Variants in PRKN observed in about 807,000 individuals in gnomAD.
PRKN encodes the protein E3 ubiquitin-protein ligase parkin.
In PRKN, 56 loss-of-function variants were observed where a neutral mutation model predicts 59.5. The ratio of observed to expected loss-of-function variants is 0.94; its 90% CI spans 0.76 to 1.18. The LOEUF is 1.18. PRKN is among the 50% of genes most tolerant of loss of function. The pLI is 0.00. For synonymous variants in PRKN, 250 were observed against 222.1 expected, an observed-to-expected ratio of 1.13 and a Z score of -1.12; for missense variants, 657 against 596.4, an observed-to-expected ratio of 1.10 and a Z score of -1.06.
At chr6:162,526,201 G>T (rs1039368154) in intron 1 of PRKN, among the ~76,000 whole-genome samples, 1 of 145,084 alleles carries the variant, frequency 6.9e-6, no homozygotes, top group East Asian at 2.2e-4. Flanking sequence ...AACTATCGGA[G>T]TCAAGGTAAA....
In PRKN at chr6:161,646,607, T is replaced by G. The variant is rs115271941; in HGVS notation, c.872-77191A>C. On this transcript the variant is annotated intron_variant, in intron 7 of 11. Coordinates refer to ENST00000366898, the MANE Select transcript of PRKN (RefSeq NM_004562.3). ...TGTGCGTGCGTGGCGGAGGAGGTGGTGTATCAGTGACAGTAGTCACTGCGT... is the reference window on the plus strand; with the variant it reads ...TGTGCGTGCGTGGCGGAGGAGGTGGGGTATCAGTGACAGTAGTCACTGCGT... Among the ~76,000 whole-genome samples the G allele has an allele frequency of 8.6e-3, 1,267 of 147,944 alleles. 7 individuals are homozygous for G. The highest frequency in any genetic ancestry group is 0.033 in the Middle Eastern group (9 of 276).
At chr6:161,596,223 A>G in intron 7 of PRKN, among the ~76,000 whole-genome samples, 1 of 152,096 alleles carries the variant, frequency 6.6e-6, no homozygotes, top group East Asian at 1.9e-4. Context: ...TATTTTATCT[A>G]GAGAATGATG....
chr6:162,285,567 T>C (rs1418948852), intron 2 of PRKN, among the ~76,000 whole-genome samples: 1 of 152,198 alleles, frequency 6.6e-6, no homozygotes, highest in East Asian at 1.9e-4. Context: ...GCTTGTTGAA[T>C]GAATGAATAT....
intron 6 of PRKN, among the ~76,000 whole-genome samples, chr6:161,831,860 TC>T (rs560824942): frequency 4.6e-4 from 70 of 152,300 alleles, no homozygotes; most frequent in African/African-American, 1.6e-3. Flanking sequence ...ACAAGTCTGT[TC>T]CTGGTCCAAG....
chr6:162,343,177 C>T (rs1331517001), intron 2 of PRKN, among the ~76,000 whole-genome samples: 1 of 152,092 alleles, frequency 6.6e-6, no homozygotes, highest in African/African-American at 2.4e-5. Flanking sequence ...ATGCTTTATT[C>T]CTGACATCAA....
At chr6:162,467,881 T>C (rs1470229116) in intron 1 of PRKN, among the ~76,000 whole-genome samples, 2 of 152,048 alleles carry the variant, frequency 1.3e-5, no homozygotes, top group Non-Finnish European at 2.9e-5. Context: ...TTGCTGGATT[T>C]TACACCTTGG....
chr6:162,517,993 G>A (rs1777935909), intron 1 of PRKN, among the ~76,000 whole-genome samples: 3 of 152,154 alleles, frequency 2.0e-5, no homozygotes, highest in Admixed American at 6.6e-5. Flanking sequence ...AATACAATTA[G>A]TAAAAGTGAT....
chr6:162,373,321 T>C (rs1307049049), intron 2 of PRKN, among the ~76,000 whole-genome samples: 3 of 152,218 alleles, frequency 2.0e-5, no homozygotes, highest in African/African-American at 7.2e-5. Context: ...GGTCAATAAG[T>C]AGTAGTAAGC....
At chr6:161,647,966 G>C (rs763582610) in intron 7 of PRKN, among the ~76,000 whole-genome samples, 4 of 152,154 alleles carry the variant, frequency 2.6e-5, no homozygotes, top group Non-Finnish European at 4.4e-5. Context: ...AAAATCAATA[G>C]AATTGGTTTT....
rs1401373958 is a variant in PRKN at position 161,377,223 on chromosome 6, C to T, written c.1167+9571G>A. Among the ~76,000 whole-genome samples, 1 of 152,214 alleles carries T rather than the reference C, an allele frequency of 6.6e-6. No individual in the cohort carries two copies. The highest frequency in any genetic ancestry group is 1.5e-5 in the Non-Finnish European group (1 of 68,048). ...GAGAGCCCCTGGCACGCTACCGAGC[C>T]CTGTGGAGTTGGAGCATCTGTGCAG... On this transcript the variant is annotated intron_variant, in intron 10 of 11. Transcript: ENST00000366898. The surrounding 1 kb of genome is among the most constrained non-coding windows in gnomAD (Gnocchi z 4.2).
At position 161,498,405 on chromosome 6, in the gene PRKN, C is replaced by T. The variant is rs1181372276; in HGVS notation, c.1083+50449G>A. ...CTCTGGTTTGGAATTCAAGCCTCCT[C>T]CCAACACACCACATGACCCCGCCGT... On this transcript the variant is annotated intron_variant, in intron 9 of 11. Coordinates refer to ENST00000366898, the MANE Select transcript of PRKN (RefSeq NM_004562.3). This position sits in a 1 kb window ranked among gnomAD's most constrained non-coding sequence, Gnocchi z 4.2. Among the ~76,000 whole-genome samples the T allele has an allele frequency of 1.3e-5, 2 of 152,216 alleles. No individual in the cohort carries two copies. Among genetic ancestry groups the T allele is most frequent in the Admixed American group, 6.5e-5 (1 of 15,282 alleles).
At chr6:161,574,847 G>T (rs1781069737) in intron 7 of PRKN, among the ~76,000 whole-genome samples, 1 of 152,144 alleles carries the variant, frequency 6.6e-6, no homozygotes, top group African/African-American at 2.4e-5. Context: ...CAAGAAAACA[G>T]AACACACAGG....
At chr6:161,559,049 T>TAAAAAAAAAAAAAAAAAAACAAA (rs3032921) in intron 8 of PRKN, among the ~76,000 whole-genome samples, 1 of 117,280 alleles carries the variant, frequency 8.5e-6, no homozygotes, top group Non-Finnish European at 1.7e-5. Flanking sequence ...AAACAAGACC[T>TAAAAAAAAAAAAAAAAAAACAAA]AAAAAAAAAA....
At chr6:162,210,630 A>G (rs1785163177) in intron 3 of PRKN, among the ~76,000 whole-genome samples, 2 of 152,314 alleles carry the variant, frequency 1.3e-5, no homozygotes, top group Admixed American at 1.3e-4. Context: ...ATTTAATAAT[A>G]TTATGGAACA....
chr6:161,411,583 G>A (rs993248969), intron 9 of PRKN, among the ~76,000 whole-genome samples: 25 of 152,262 alleles, frequency 1.6e-4, no homozygotes, highest in African/African-American at 4.6e-4. Context: ...GTCTGTCTGC[G>A]AACTCACTCA....
chr6:162,025,014 ATTTTT>A (rs753238837), intron 5 of PRKN, among the ~76,000 whole-genome samples: 8 of 130,982 alleles, frequency 6.1e-5, no homozygotes, highest in Admixed American at 3.8e-4. Context: ...TCCAGATTGT[ATTTTT>A]TTTTTTTTTT....
chr6:161,600,355 T>G (rs1350668177), intron 7 of PRKN, among the ~76,000 whole-genome samples: 1 of 152,198 alleles, frequency 6.6e-6, no homozygotes, highest in African/African-American at 2.4e-5. Flanking sequence ...AACTGCATCC[T>G]CCTGTTCAAA....
intron 7 of PRKN, among the ~76,000 whole-genome samples, chr6:161,701,811 C>T (rs1786263723): frequency 6.6e-6 from 1 of 152,112 alleles, no homozygotes; most frequent in Admixed American, 6.6e-5. Flanking sequence ...TTCTACGTCT[C>T]AAACATATTA....
chr6:162,043,857 T>C (rs1784155257), intron 5 of PRKN, among the ~76,000 whole-genome samples: 1 of 152,208 alleles, frequency 6.6e-6, no homozygotes, highest in Admixed American at 6.5e-5. Context: ...CTGATAAAGA[T>C]AGAATTTCAG....
Sources: gnomAD v4.1 joint callset for allele counts (sites outside exome capture counted in the v4.1 genomes callset) on GRCh38, gnomAD v4.1.1 for gene constraint, Gnocchi (gnomAD v3.1) non-coding constraint, MANE v1.5 for transcripts, NCBI Gene and HGNC (gene_info 2026-07-23, HGNC 2026-07-21) for gene names.